ROS1: variants seen among roughly 807,000 people sequenced by gnomAD.
ROS1 encodes proto-oncogene tyrosine-protein kinase ROS.
ROS1 carries 263 observed loss-of-function variants against 273.5 expected under a neutral mutation model. The observed-to-expected ratio is 0.96, with a 90% CI of 0.87 to 1.06. The LOEUF (loss-of-function observed/expected upper bound fraction) is 1.06. Among genes scored for constraint, ROS1 ranks in the 50% least tolerant of loss-of-function variants. The pLI is 0.00. For synonymous variants in ROS1, 1,008 were observed against 954.1 expected (o/e 1.06, Z -1.04); for missense variants, 2,833 against 2,751.1 (o/e 1.03, Z -0.67).
chr6:117,320,648 G>T (rs1457608360), intron 36 of ROS1, among the ~76,000 whole-genome samples: 1 of 152,156 alleles, frequency 6.6e-6, no homozygotes, highest in Non-Finnish European at 1.5e-5. Flanking sequence ...CTAAACAGCT[G>T]ATTTAGATCA....
At chr6:117,326,800 T>C (rs974866869) in intron 33 of ROS1, among the ~76,000 whole-genome samples, 28 of 152,174 alleles carry the variant, frequency 1.8e-4, no homozygotes, top group Admixed American at 1.7e-3. Flanking sequence ...TTATTTGTAG[T>C]TTACTTATGC....
At chr6:117,397,599 G>A (rs559219738) in intron 7 of ROS1, among the ~76,000 whole-genome samples, 2 of 152,306 alleles carry the variant, frequency 1.3e-5, no homozygotes, top group Non-Finnish European at 2.9e-5. Context: ...GCTGGAATTC[G>A]AACAGTTGGC....
intron 18 of ROS1, among the ~76,000 whole-genome samples, chr6:117,374,750 T>C (rs1231863625): frequency 6.6e-6 from 1 of 152,172 alleles, no homozygotes; most frequent in African/African-American, 2.4e-5. Flanking sequence ...ATCCAGAAAC[T>C]ACAAGGAACT....
intron 39 of ROS1, 145 bp downstream of exon 39, chr6:117,316,998 G>T (rs2128555206): frequency 2.3e-6 from 2 of 862,610 alleles, no homozygotes; most frequent in Non-Finnish European, 1.7e-6. Flanking sequence ...ATTGTCAAAA[G>T]CTAATGTGAA....
chr6:117,304,663 T>C (rs1269966863), intron 42 of ROS1, among the ~76,000 whole-genome samples: 2 of 152,210 alleles, frequency 1.3e-5, no homozygotes, highest in African/African-American at 2.4e-5. Flanking sequence ...ATGCTGTATA[T>C]GCTACCTACC....
chr6:117,310,104 G>T lies in ROS1; in HGVS notation c.6393C>A (p.Ile2131=). Residue 2131 remains isoleucine, a synonymous_variant, in exon 41 of 44, where the codon ATC becomes ATA. Transcript: ENST00000368507. ...WMAPESLMDG[I]FTTQSDVWSF... Reference sequence around the variant, plus strand: ...ACCATACATCAGATTGAGTAGTGAAGATTCCATCCATCAAACTTTCTGGAG... The same window carrying T: ...ACCATACATCAGATTGAGTAGTGAATATTCCATCCATCAAACTTTCTGGAG... The T allele has an allele frequency of 6.2e-7, 1 of 1,613,312 alleles. No homozygotes were observed. The highest frequency in any genetic ancestry group is 8.5e-7 in the Non-Finnish European group (1 of 1,179,452).
chr6:117,300,746 T>C (rs1332126920), intron 43 of ROS1, among the ~76,000 whole-genome samples: 2 of 152,224 alleles, frequency 1.3e-5, no homozygotes, highest in Non-Finnish European at 2.9e-5. Flanking sequence ...CTTACTGTCA[T>C]AGATTATAAA....
chr6:117,339,709 A>G (rs1307543715), intron 31 of ROS1, among the ~76,000 whole-genome samples: 1 of 152,094 alleles, frequency 6.6e-6, no homozygotes, highest in African/African-American at 2.4e-5. Flanking sequence ...TCTGCCTGGA[A>G]CCTGTGTTGA....
chr6:117,355,355 C>G (rs1250564586), intron 26 of ROS1, among the ~76,000 whole-genome samples: 1 of 152,188 alleles, frequency 6.6e-6, no homozygotes, highest in Non-Finnish European at 1.5e-5. Context: ...TAAAAGGCCT[C>G]TAAACATAGG....
At chr6:117,415,095 C>T (rs1382528451) in intron 3 of ROS1, among the ~76,000 whole-genome samples, 1 of 152,216 alleles carries the variant, frequency 6.6e-6, no homozygotes, top group Non-Finnish European at 1.5e-5. Context: ...CAGCATCCTG[C>T]CCCAACACAG....
rs2128545939 is a variant in ROS1, at chr6:117,308,815, G to C, written c.6530C>G (p.Pro2177Arg). The stretch of plus-strand genomic sequence containing the variant: ...TTACAGATCATCAGGACAATTTCTT[G>C]GTGGCTCCAGTCTCCCTCCTGTTTG... ...YVQTGGRLEP[P>R]RNCPDDLWNL... The change falls in exon 42 of 44, where the codon CCA becomes CGA. Residue 2177 changes from proline to arginine, a missense_variant. By Grantham distance (103) the Pro-to-Arg change is moderately radical (BLOSUM62 -2). Coordinates refer to ENST00000368507, the MANE Select transcript of ROS1 (RefSeq NM_001378902.1). 6.2e-7 allele frequency: 1 copy of C among 1,612,866 alleles called. No individual in the cohort carries two copies. Among genetic ancestry groups the C allele is most frequent in the Non-Finnish European group, 8.5e-7 (1 of 1,179,460 alleles).
At chr6:117,415,978 A>C (rs1775304133) in intron 3 of ROS1, among the ~76,000 whole-genome samples, 1 of 152,196 alleles carries the variant, frequency 6.6e-6, no homozygotes, top group African/African-American at 2.4e-5. Flanking sequence ...CGGAGATTCT[A>C]CTAAAAAACA....
chr6:117,361,907 T>C (rs2128653322), intron 22 of ROS1, among the ~76,000 whole-genome samples: 1 of 152,202 alleles, frequency 6.6e-6, no homozygotes, highest in East Asian at 1.9e-4. Context: ...TTTTTCTTTA[T>C]AGTATGAGGA....
At chr6:117,403,346 G>A (rs1562371247) in intron 6 of ROS1, 69 bp from the exon 7 acceptor site, 8 of 1,459,744 alleles carry the variant, frequency 5.5e-6, no homozygotes, top group Non-Finnish European at 7.5e-6. Context: ...AAAAAGCATA[G>A]ATTAATTTGT....
intron 5 of ROS1, among the ~76,000 whole-genome samples, chr6:117,405,765 TA>T (rs1582869858): frequency 6.6e-6 from 1 of 152,136 alleles, no homozygotes; most frequent in African/African-American, 2.4e-5. Context: ...CTATTTTCAG[TA>T]CATGGCACAG....
At position 117,318,280 on chromosome 6, in the gene ROS1, T is replaced by C. The variant is rs569214919; in HGVS notation, c.5923-28A>G. The C allele has an allele frequency of 4.9e-5, 76 of 1,560,196 alleles. 1 individual carries two copies. In the South Asian group the frequency reaches 8.1e-4, roughly 17 times the overall value. ...ATACAACATAAAAACAAGTCAGGAA[T>C]CAGTATAGCAGACATTTCTGTGAGC... On this transcript the variant is annotated intron_variant, in intron 37 of 43. Transcript: ENST00000368507.
rs1046087416 is a variant in ROS1, at chr6:117,372,214, C to T, written c.2583-5924G>A. ...GACAAGGATGCCCAGTCACACCAGT[C>T]CTGTTCAACATAGTACTGGAAGTCC... On this transcript the variant is annotated intron_variant, in intron 18 of 43. Coordinates refer to ENST00000368507, the MANE Select transcript of ROS1 (RefSeq NM_001378902.1). Among the ~76,000 whole-genome samples, 26 of 152,270 alleles carry T rather than the reference C, an allele frequency of 1.7e-4. No homozygotes were observed. The Middle Eastern group carries it at 0.01, about 60-fold the overall frequency.
intron 34 of ROS1, 25 bp downstream of exon 34, chr6:117,326,199 T>G: frequency 6.8e-7 from 1 of 1,470,322 alleles, no homozygotes; most frequent in Non-Finnish European, 9.2e-7. Context: ...AATAAGCTAG[T>G]GTGTAGACAG....
At chr6:117,404,797 A>T (rs978482660) in intron 5 of ROS1, among the ~76,000 whole-genome samples, 2 of 152,198 alleles carry the variant, frequency 1.3e-5, no homozygotes, top group Non-Finnish European at 2.9e-5. Flanking sequence ...AGAACCATCC[A>T]TTATCCTGGG....
Sources: gnomAD v4.1 joint callset for allele counts (sites outside exome capture counted in the v4.1 genomes callset) on GRCh38, gnomAD v4.1.1 for gene constraint, MANE v1.5 for transcripts, NCBI Gene and HGNC (gene_info 2026-07-23, HGNC 2026-07-21) for gene names.